SFMBT2: variants seen among roughly 807,000 people sequenced by gnomAD.
The protein encoded by SFMBT2 is Scm like with four mbt domains 2, also known as scm-like with four MBT domains protein 2.
Under a neutral mutation model 110.1 loss-of-function variants are expected in SFMBT2, and 38 were observed. That is an observed-to-expected ratio of 0.35 (90% CI 0.27 to 0.45). The LOEUF is 0.45. SFMBT2 is among the 20% of genes least tolerant of loss of function. The probability of loss-of-function intolerance (pLI) is 1.00; values close to 1 mark genes in which losing one functional copy is unlikely to be tolerated. For synonymous variants in SFMBT2, 425 were observed against 425.4 expected, an observed-to-expected ratio of 1.00 and a Z score of 0.01; for missense variants, 1,011 against 1,094.9, an observed-to-expected ratio of 0.92 and a Z score of 1.08.
chr10:7,258,911 G>C (rs1296414887), intron 7 of SFMBT2, among the ~76,000 whole-genome samples: 3 of 152,198 alleles, frequency 2.0e-5, no homozygotes, highest in Admixed American at 6.5e-5. Flanking sequence ...ATCTATTGCT[G>C]AACACTAATA....
chr10:7,242,597 T>C (rs770888474), intron 9 of SFMBT2, among the ~76,000 whole-genome samples: 4 of 152,052 alleles, frequency 2.6e-5, no homozygotes, highest in Admixed American at 6.5e-5. Context: ...AAAGCTGAAA[T>C]GGAAATATTC....
At chr10:7,388,102 T>G (rs1230660614) in intron 1 of SFMBT2, among the ~76,000 whole-genome samples, 1 of 152,066 alleles carries the variant, frequency 6.6e-6, no homozygotes, top group Non-Finnish European at 1.5e-5. Context: ...CATCCCCAAA[T>G]ATGTACTGAT....
chr10:7,296,004 A>C lies in SFMBT2; in HGVS notation c.437-10050T>G, dbSNP rs372139484. 1.7e-3 allele frequency among the ~76,000 whole-genome samples: 263 copies of C among 152,334 alleles called. 1 individual carries two copies. The highest frequency in any genetic ancestry group is 6.0e-3 in the African/African-American group (251 of 41,566). ...CTAAAGAAATGCCACAGAGATGGAAACCATTTACGACTTTCTCAAAGCACA... is the reference window on the plus strand; with the variant it reads ...CTAAAGAAATGCCACAGAGATGGAACCCATTTACGACTTTCTCAAAGCACA... On this transcript the variant is annotated intron_variant, in intron 4 of 20. Transcript: ENST00000397167.
Position 7,163,166 on chromosome 10 carries a change from A to G in SFMBT2, c.*604T>C. 1 of 156,058 alleles carries G rather than the reference A, an allele frequency of 6.4e-6. No individual in the cohort carries two copies. The highest frequency in any genetic ancestry group is 1.4e-5 in the Non-Finnish European group (1 of 71,690). 9.7% of individuals were successfully genotyped at this position (156,058 alleles called of 1,614,324 possible). On this transcript the variant is annotated 3_prime_UTR_variant, in exon 21 of 21. Transcript: ENST00000397167. This position sits in a 1 kb window ranked among gnomAD's most constrained non-coding sequence, Gnocchi z 4.8. Reference sequence around the variant, plus strand: ...ACAAACAAACCATCTAGTTGCATGGAGATGCCTGCCGGCCTTCCTTCACTC... The same window carrying G: ...ACAAACAAACCATCTAGTTGCATGGGGATGCCTGCCGGCCTTCCTTCACTC...
chr10:7,310,233 T>C (rs1012982233), intron 4 of SFMBT2, among the ~76,000 whole-genome samples: 2 of 152,156 alleles, frequency 1.3e-5, no homozygotes, highest in East Asian at 3.9e-4. Context: ...CAGAAAGACC[T>C]CTCCGACAAG....
rs552783982 is a variant in SFMBT2, at chr10:7,200,918, G to A, written c.1488-434C>T. ...CCTTTGATTTCTGACCTCCGGGCCC[G>A]CGGGAGTCATGGCCACACTAAAAAT... On this transcript the variant is annotated intron_variant, in intron 13 of 20. Transcript: ENST00000397167. The A allele has an allele frequency of 7.6e-5, 59 of 779,950 alleles. No homozygotes were observed. The East Asian group carries it at 6.1e-3, about 80-fold the overall frequency. 48.3% of individuals were successfully genotyped at this position (779,950 alleles called of 1,614,324 possible). A position where few individuals can be genotyped will look rare whatever the true frequency, so the allele number is the denominator to read the frequency against.
chr10:7,255,358 G>A (rs1049037652), intron 7 of SFMBT2, among the ~76,000 whole-genome samples: 1 of 152,154 alleles, frequency 6.6e-6, no homozygotes, highest in Admixed American at 6.5e-5. Context: ...TGTTATTCCC[G>A]TTATCAGGAT....
Position 7,408,422 on chromosome 10 carries a change from C to G in SFMBT2, c.-52+2439G>C, listed in dbSNP as rs758517250. Among the ~76,000 whole-genome samples, 1 of 152,266 alleles carries G rather than the reference C, an allele frequency of 6.6e-6. No homozygotes were observed. Among genetic ancestry groups the G allele is most frequent in the Non-Finnish European group, 1.5e-5 (1 of 68,046 alleles). On this transcript the variant is annotated intron_variant, in intron 1 of 20. Transcript: ENST00000397167. The surrounding 1 kb of genome is among the most constrained non-coding windows in gnomAD (Gnocchi z 5.7). Reference sequence around the variant, plus strand: ...TGACCCTGTCTAGCCTCGTTCTGCGCTCCTGCAAACCACGTTGCTGCGCTA... The same window carrying G: ...TGACCCTGTCTAGCCTCGTTCTGCGGTCCTGCAAACCACGTTGCTGCGCTA...
At chr10:7,203,133 G>A in intron 12 of SFMBT2, 4 of 980,546 alleles carry the variant, frequency 4.1e-6, no homozygotes, top group Non-Finnish European at 4.8e-6. Context: ...ACTAACTTTG[G>A]CTCAGATAAT....
chr10:7,178,940 A>G (rs888353220), intron 16 of SFMBT2, among the ~76,000 whole-genome samples: 5 of 152,218 alleles, frequency 3.3e-5, no homozygotes, highest in Non-Finnish European at 7.3e-5. Context: ...TTTCGTTCAC[A>G]TATCACCAAA....
intron 7 of SFMBT2, among the ~76,000 whole-genome samples, chr10:7,275,671 T>C (rs1841751056): frequency 6.6e-6 from 1 of 152,134 alleles, no homozygotes; most frequent in Non-Finnish European, 1.5e-5. Context: ...GTAAAAATCA[T>C]CATTCAGTTA....
At chr10:7,223,886 G>A (rs370953628) in intron 10 of SFMBT2, among the ~76,000 whole-genome samples, 14 of 152,304 alleles carry the variant, frequency 9.2e-5, no homozygotes, top group South Asian at 2.1e-4. Flanking sequence ...AGGTGATACC[G>A]AGGCTGCTGG....
At chr10:7,349,471 G>A (rs558347331) in intron 4 of SFMBT2, among the ~76,000 whole-genome samples, 5 of 65,828 alleles carry the variant, frequency 7.6e-5, no homozygotes, top group African/African-American at 3.0e-4. Context: ...TTTTTTGCGG[G>A]GGGGAGACGG....
intron 12 of SFMBT2, chr10:7,204,354 T>G: frequency 1.0e-6 from 1 of 985,366 alleles, no homozygotes. Flanking sequence ...TCTACAGAAG[T>G]GGCCACAGAA....
At position 7,170,030 on chromosome 10, in the gene SFMBT2, C is replaced by G. The variant is rs972303921; in HGVS notation, c.2544+898G>C. On this transcript the variant is annotated intron_variant, in intron 20 of 20. Transcript: ENST00000397167. This position sits in a 1 kb window ranked among gnomAD's most constrained non-coding sequence, Gnocchi z 4.6. Reference sequence around the variant, plus strand: ...CGACACACCAGCCAGCGGGCTTCTGCTCTGGGCAGGCCAGGTGGATACACT... The same window carrying G: ...CGACACACCAGCCAGCGGGCTTCTGGTCTGGGCAGGCCAGGTGGATACACT... Among the ~76,000 whole-genome samples, 5 of 152,228 alleles carry G rather than the reference C, an allele frequency of 3.3e-5. No homozygotes were observed. Among genetic ancestry groups the G allele is most frequent in the African/African-American group, 1.2e-4 (5 of 41,450 alleles).
intron 16 of SFMBT2, among the ~76,000 whole-genome samples, chr10:7,178,024 C>T (rs7907473): frequency 0.33 from 50,907 of 152,052 alleles, 8,800 homozygotes; most frequent in South Asian, 0.44. Context: ...GGACTTTAGG[C>T]CTCCAGAGCA....
chr10:7,338,887 A>G (rs1009973360), intron 4 of SFMBT2, among the ~76,000 whole-genome samples: 2 of 152,146 alleles, frequency 1.3e-5, no homozygotes, highest in Non-Finnish European at 2.9e-5. Context: ...CAGGCTCTTC[A>G]GGGTAATGTC....
intron 4 of SFMBT2, among the ~76,000 whole-genome samples, chr10:7,349,085 T>C (rs1844215665): frequency 2.0e-5 from 3 of 152,204 alleles, no homozygotes; most frequent in Admixed American, 2.0e-4. Flanking sequence ...CTCATGAATC[T>C]GTGACAAACC....
intron 4 of SFMBT2, among the ~76,000 whole-genome samples, chr10:7,342,465 G>A (rs1315162526): frequency 1.5e-5 from 2 of 132,104 alleles, no homozygotes; most frequent in African/African-American, 5.7e-5. Context: ...CTGGAGTGCA[G>A]TGGTGCAATC....
Sources: gnomAD v4.1 joint callset for allele counts (sites outside exome capture counted in the v4.1 genomes callset) on GRCh38, gnomAD v4.1.1 for gene constraint, Gnocchi (gnomAD v3.1) non-coding constraint, MANE v1.5 for transcripts, NCBI Gene and HGNC (gene_info 2026-07-23, HGNC 2026-07-21) for gene names.